Variants in CTDP1 observed in about 807,000 individuals in gnomAD.
CTDP1 encodes the protein CTD phosphatase 1, also known as RNA polymerase II subunit A C-terminal domain phosphatase.
In CTDP1, 47 loss-of-function variants were observed where a neutral mutation model predicts 91.8. That is an observed-to-expected ratio of 0.51 (90% CI 0.41 to 0.65). The LOEUF (loss-of-function observed/expected upper bound fraction) is 0.65. Among genes scored for constraint, CTDP1 ranks in the 30% least tolerant of loss-of-function variants. The pLI is 0.00. For missense variants in CTDP1, 1,272 were observed against 1,373.7 expected, an observed-to-expected ratio of 0.93 and a Z score of 1.17; for synonymous variants, 656 against 598.5, an observed-to-expected ratio of 1.10 and a Z score of -1.40.
At chr18:79,711,190 C>G (rs1211775848) in intron 6 of CTDP1, among the ~76,000 whole-genome samples, 1 of 152,060 alleles carries the variant, frequency 6.6e-6, no homozygotes, top group African/African-American at 2.4e-5. Flanking sequence ...TGTCAGACGG[C>G]ACTGATTCGA....
chr18:79,691,326 C>T (rs1037089060), intron 1 of CTDP1, among the ~76,000 whole-genome samples: 3 of 152,228 alleles, frequency 2.0e-5, no homozygotes, highest in Admixed American at 6.5e-5. Context: ...AGCTTACACT[C>T]GCTCTTAGAC....
intron 4 of CTDP1, among the ~76,000 whole-genome samples, chr18:79,701,525 TAAATTAAA>T (rs1377057015): frequency 2.3e-5 from 2 of 85,322 alleles, no homozygotes; most frequent in Non-Finnish European, 4.6e-5. Flanking sequence ...AAATAATAAA[TAAATTAAA>T]TAAATAAATA....
Position 79,680,057 on chromosome 18 carries a change from TGGCGGCGGGCGCGGC to T in CTDP1, c.111_125del (p.Ala38_Ala42del). The T allele has an allele frequency of 8.0e-7, 1 of 1,252,378 alleles. No individual in the cohort carries two copies. Among genetic ancestry groups the T allele is most frequent in the Non-Finnish European group, 1.0e-6 (1 of 1,002,988 alleles). 77.6% of individuals were successfully genotyped at this position (1,252,378 alleles called of 1,614,324 possible). A position where few individuals can be genotyped will look rare whatever the true frequency, so the allele number is the denominator to read the frequency against. The stretch of plus-strand genomic sequence containing the variant: ...CCGCTGCGCCTGCTGGAGTGGAGGG[TGGCGGCGGGCGCGGC>T]CGTGCGCATCGGCTCGGTGCTGGCC... On this transcript the variant is annotated inframe_deletion, in exon 1 of 13. Transcript: ENST00000613122.
chr18:79,701,557 AT>A (rs1429614636), intron 4 of CTDP1, among the ~76,000 whole-genome samples: 25 of 150,726 alleles, frequency 1.7e-4, no homozygotes, highest in African/African-American at 5.1e-4. Flanking sequence ...AAATAAATAA[AT>A]AAATAAATAA....
At chr18:79,710,766 T>G (rs982561057) in intron 6 of CTDP1, among the ~76,000 whole-genome samples, 2 of 143,252 alleles carry the variant, frequency 1.4e-5, no homozygotes, top group African/African-American at 5.2e-5. Flanking sequence ...CAGGATGGCC[T>G]CGATCTCCTG....
intron 12 of CTDP1, among the ~76,000 whole-genome samples, chr18:79,751,765 T>C (rs1433255744): frequency 6.6e-6 from 1 of 152,200 alleles, no homozygotes; most frequent in Non-Finnish European, 1.5e-5. Context: ...ATGTGTGTTA[T>C]ATGCCTGCTG....
chr18:79,686,946 G>A (rs1341458381), intron 1 of CTDP1, among the ~76,000 whole-genome samples: 4 of 147,164 alleles, frequency 2.7e-5, no homozygotes, highest in African/African-American at 7.6e-5. Context: ...GTTCACTGGT[G>A]GGCCTGCACC....
Position 79,717,946 on chromosome 18 carries a change from A to C in CTDP1, c.2347A>C (p.Arg783=), listed in dbSNP as rs970815371. 22 of 1,613,402 alleles carry C rather than the reference A, an allele frequency of 1.4e-5. No individual in the cohort carries two copies. The highest frequency in any genetic ancestry group is 1.7e-5 in the Non-Finnish European group (20 of 1,179,996). The change falls in exon 10 of 13, where the codon AGG becomes CGG. Residue 783 remains arginine, a synonymous_variant. Coordinates refer to ENST00000613122, the MANE Select transcript of CTDP1 (RefSeq NM_004715.5). ...CGACTCCAACACGGGGAAGCTCATC[A>C]GGACGGGCGCCCGGGGGCCCCCAGC... is the stretch of plus-strand genomic sequence containing the variant. ...IYDSNTGKLI[R]TGARGPPAPS... is the part of the protein sequence containing the mutation.
At chr18:79,699,457 G>A (rs1173020664) in intron 4 of CTDP1, among the ~76,000 whole-genome samples, 2 of 151,988 alleles carry the variant, frequency 1.3e-5, no homozygotes, top group African/African-American at 2.4e-5. Context: ...TAGAGACGGG[G>A]TTTCACCGTG....
chr18:79,743,568 C>G (rs1481988978), intron 12 of CTDP1, among the ~76,000 whole-genome samples: 1 of 146,272 alleles, frequency 6.8e-6, no homozygotes, highest in East Asian at 2.0e-4. Context: ...AGTGAGGAGT[C>G]TGAGTGTGCA....
At chr18:79,712,317 G>A (rs570307548) in intron 6 of CTDP1, among the ~76,000 whole-genome samples, 2 of 152,220 alleles carry the variant, frequency 1.3e-5, no homozygotes, top group Non-Finnish European at 2.9e-5. Flanking sequence ...GGTCTGGCTC[G>A]GTCGCCCAGG....
At chr18:79,748,710 C>T (rs1167654035) in intron 12 of CTDP1, among the ~76,000 whole-genome samples, 2 of 152,212 alleles carry the variant, frequency 1.3e-5, no homozygotes, top group African/African-American at 2.4e-5. Context: ...ATGCCATGAG[C>T]GCCTGCGGCC....
rs558128467 is a variant in CTDP1 at position 79,722,489 on chromosome 18, C to T, written c.2417+4473C>T. On this transcript the variant is annotated intron_variant, in intron 10 of 12. Coordinates refer to ENST00000613122, the MANE Select transcript of CTDP1 (RefSeq NM_004715.5). ...TCAATATTACTTCAGTTAATACCAG[C>T]TCATTTATACGAAAGGATGTTAATG... is the stretch of plus-strand genomic sequence containing the variant. Among the ~76,000 whole-genome samples, 85 of 152,306 alleles carry T rather than the reference C, an allele frequency of 5.6e-4. 1 individual carries two copies. The South Asian group carries it at 0.017, about 30-fold the overall frequency.
At chr18:79,704,628 T>C (rs569939766) in intron 4 of CTDP1, 139 bp from the exon 5 acceptor site, 1 of 1,133,042 alleles carries the variant, frequency 8.8e-7, no homozygotes, top group African/African-American at 1.5e-5. Flanking sequence ...AGGACGCCTG[T>C]CGGGCACACG....
upstream of CTDP1, chr18:79,677,201 G>GC (rs1233565983): frequency 1.3e-5 from 2 of 152,228 alleles, no homozygotes; most frequent in East Asian, 1.9e-4. Context: ...GGAGCCCTTG[G>GC]CCCCCCTACT....
intron 1 of CTDP1, among the ~76,000 whole-genome samples, chr18:79,693,718 C>T (rs1438097810): frequency 6.6e-6 from 1 of 152,162 alleles, no homozygotes; most frequent in Non-Finnish European, 1.5e-5. Flanking sequence ...GTGTCCTCAG[C>T]ACCGTTCCTC....
intron 2 of CTDP1, among the ~76,000 whole-genome samples, chr18:79,695,760 C>T (rs1042448050): frequency 6.6e-6 from 1 of 152,194 alleles, no homozygotes; most frequent in Non-Finnish European, 1.5e-5. Flanking sequence ...AGGACTATGG[C>T]TCTGTGTGTT....
rs748334856 is a variant in CTDP1 at position 79,753,901 on chromosome 18, A to G, written c.*111A>G. The G allele has an allele frequency of 3.0e-4, 415 of 1,396,988 alleles. 1 individual carries two copies. The highest frequency in any genetic ancestry group is 3.7e-4 in the Non-Finnish European group (379 of 1,014,098). 86.5% of individuals were successfully genotyped at this position (1,396,988 alleles called of 1,614,324 possible). A position where few individuals can be genotyped will look rare whatever the true frequency, so the allele number is the denominator to read the frequency against. On this transcript the variant is annotated 3_prime_UTR_variant, in exon 13 of 13. Transcript: ENST00000613122. ...GCTGCTTTCTTCCCAAAGGACATGT[A>G]TATTTGCAGAGCTCCACATACAGAA... is the stretch of plus-strand genomic sequence containing the variant.
At chr18:79,716,505 G>T (rs2086211473) in intron 8 of CTDP1, among the ~76,000 whole-genome samples, 1 of 152,340 alleles carries the variant, frequency 6.6e-6, no homozygotes, top group Admixed American at 6.5e-5. Flanking sequence ...TTGATCCCAG[G>T]AGAAAGCCAA....
Sources: allele counts gnomAD v4.1 joint callset (sites outside exome capture counted in the v4.1 genomes callset), GRCh38; gene constraint gnomAD v4.1.1; transcripts MANE v1.5; gene names NCBI Gene and HGNC (gene_info 2026-07-23, HGNC 2026-07-21).